TJP1: variants seen among roughly 807,000 people sequenced by gnomAD.
The protein encoded by TJP1 is tight junction protein ZO-1.
In TJP1, 43 loss-of-function variants were observed where a neutral mutation model predicts 194.2. That is an observed-to-expected ratio of 0.22 (90% confidence interval 0.17 to 0.29). The LOEUF is 0.29. Among genes scored for constraint, TJP1 ranks in the 10% least tolerant of loss-of-function variants. The pLI, the probability that TJP1 is intolerant of heterozygous loss-of-function variation, is 1.00. For synonymous variants in TJP1, 801 were observed against 779.0 expected, an observed-to-expected ratio of 1.03 and a Z score of -0.47; for missense variants, 1,971 against 2,185.7, an observed-to-expected ratio of 0.90 and a Z score of 1.96.
At chr15:29,719,529 A>G (rs2042799567) in intron 20 of TJP1, among the ~76,000 whole-genome samples, 1 of 152,200 alleles carries the variant, frequency 6.6e-6, no homozygotes, top group Middle Eastern at 3.2e-3. Flanking sequence ...ATTCTGGAAG[A>G]TACTGAAAGC....
At chr15:29,738,073 A>T (rs190703184) in intron 10 of TJP1, among the ~76,000 whole-genome samples, 1 of 152,256 alleles carries the variant, frequency 6.6e-6, no homozygotes, top group Admixed American at 6.5e-5. Context: ...GGAAAAAAAA[A>T]ATAATGCATA....
At chr15:29,723,390 C>A (rs180767434) in intron 18 of TJP1, among the ~76,000 whole-genome samples, 1 of 152,256 alleles carries the variant, frequency 6.6e-6, no homozygotes, top group Admixed American at 6.5e-5. Flanking sequence ...TAGTACTCCC[C>A]CCTTCTCTCT....
Position 29,945,479 on chromosome 15 carries a change from T to C in TJP1, c.306+10753A>G, listed in dbSNP as rs148890027. On this transcript the variant is annotated intron_variant, in intron 2 of 28. Transcript: ENST00000356107. ...CCATTCCATTTGAGATAAGAGCTCC[T>C]CTACTCTCTCTCACTAAAACCTCAC... Among the ~76,000 whole-genome samples, 566 of 152,270 alleles carry C rather than the reference T, an allele frequency of 3.7e-3. 1 individual carries two copies. The highest frequency in any genetic ancestry group is 0.013 in the African/African-American group (534 of 41,548).
chr15:29,833,537 G>A (rs2050902114), intron 2 of TJP1, among the ~76,000 whole-genome samples: 1 of 151,554 alleles, frequency 6.6e-6, no homozygotes, highest in Non-Finnish European at 1.5e-5. Context: ...GAAATTACAG[G>A]TGCACACCAC....
In TJP1 at chr15:29,726,816, T is replaced by C. The variant is rs752667327; in HGVS notation, c.2276A>G (p.His759Arg). The C allele has an allele frequency of 1.4e-5, 22 of 1,605,064 alleles. No homozygotes were observed. Among genetic ancestry groups the C allele is most frequent in the Non-Finnish European group, 1.9e-5 (22 of 1,171,874 alleles). ...KSARKLYERSHKLRKNNHHLF... is the reference protein window; with the variant it reads ...KSARKLYERSRKLRKNNHHLF... ...ATGGTGATTATTTTTACGAAGTTTA[T>C]GAGATCGCTCGTATAACTTCCTGGC... The change falls in exon 17 of 28, where the codon CAT (histidine) becomes CGT (arginine). Residue 759 changes from histidine to arginine, a missense_variant. His to Arg is a conservative substitution (Grantham distance 29). This residue lies in a region of TJP1 where 402 missense variants were observed against 484.2 expected (regional missense o/e 0.83). Coordinates refer to ENST00000614355, the MANE Select transcript of TJP1 (RefSeq NM_001330239.4).
chr15:29,863,596 TTA>T (rs1237698834), intron 2 of TJP1, among the ~76,000 whole-genome samples: 2 of 152,046 alleles, frequency 1.3e-5, no homozygotes, highest in African/African-American at 4.8e-5. Flanking sequence ...AGGCACCCAT[TTA>T]TGTTACCAGC....
chr15:29,797,734 T>C (rs2048509163), intron 2 of TJP1, among the ~76,000 whole-genome samples: 2 of 152,064 alleles, frequency 1.3e-5, no homozygotes, highest in South Asian at 4.1e-4. Flanking sequence ...TAAAGACTAC[T>C]GCAACTCAAC....
chr15:29,812,814 A>T (rs773260229), intron 1 of TJP1, among the ~76,000 whole-genome samples: 2 of 152,224 alleles, frequency 1.3e-5, no homozygotes, highest in Non-Finnish European at 2.9e-5. Flanking sequence ...TCTGTCACAG[A>T]GTCAGCATGC....
At chr15:29,822,914 C>T (rs2050517849), upstream of TJP1, 1 of 152,256 alleles carries the variant, frequency 6.6e-6, no homozygotes, top group Admixed American at 6.5e-5. Flanking sequence ...GCGTTGTTCC[C>T]ACGGAAGGCG....
intron 2 of TJP1, among the ~76,000 whole-genome samples, chr15:29,845,775 G>T (rs1159207534): frequency 6.6e-6 from 1 of 152,194 alleles, no homozygotes; most frequent in African/African-American, 2.4e-5. Flanking sequence ...CTGCACTCCA[G>T]CCTGGTGACA....
chr15:29,722,603 G>A (rs1595628966), intron 18 of TJP1, among the ~76,000 whole-genome samples: 2 of 152,348 alleles, frequency 1.3e-5, no homozygotes, highest in Admixed American at 1.3e-4. Flanking sequence ...GAGGGGAAAT[G>A]TGGGGTTGGA....
At chr15:29,790,799 G>A (rs937034422) in intron 2 of TJP1, among the ~76,000 whole-genome samples, 2 of 140,296 alleles carry the variant, frequency 1.4e-5, no homozygotes, top group South Asian at 2.3e-4. Context: ...TGTGGTATTC[G>A]TCTTTCTGTG....
intron 2 of TJP1, among the ~76,000 whole-genome samples, chr15:29,874,734 G>A (rs1299268584): frequency 6.6e-6 from 1 of 151,866 alleles, no homozygotes; most frequent in Non-Finnish European, 1.5e-5. Flanking sequence ...TGAGCTTTTG[G>A]AACAAAAAAG....
At chr15:29,935,101 T>G (rs543120140) in intron 2 of TJP1, among the ~76,000 whole-genome samples, 1 of 152,336 alleles carries the variant, frequency 6.6e-6, no homozygotes, top group African/African-American at 2.4e-5. Context: ...AGATGTTTCT[T>G]CTATTGCTCA....
At chr15:29,869,795 C>CTTTTTTTTTTTTTT (rs11318770) in intron 2 of TJP1, among the ~76,000 whole-genome samples, 6 of 56,008 alleles carry the variant, frequency 1.1e-4, no homozygotes, top group East Asian at 7.1e-4. Context: ...TTCTTTCTTT[C>CTTTTTTTTTTTTTT]TTTTTTTTTT....
intron 10 of TJP1, among the ~76,000 whole-genome samples, chr15:29,739,400 T>G (rs974212857): frequency 2.0e-5 from 3 of 152,206 alleles, no homozygotes; most frequent in African/African-American, 7.2e-5. Context: ...CGTCCTCAAA[T>G]CTTCCTTGGT....
At chr15:29,800,550 C>T (rs897026095) in intron 2 of TJP1, 96 bp downstream of exon 2, 2 of 1,201,306 alleles carry the variant, frequency 1.7e-6, no homozygotes, top group East Asian at 2.4e-5. Flanking sequence ...GTTTCCTCCT[C>T]CCTCTGGCTT....
At chr15:29,890,643 G>A (rs962200911) in intron 2 of TJP1, among the ~76,000 whole-genome samples, 2 of 152,062 alleles carry the variant, frequency 1.3e-5, no homozygotes, top group Non-Finnish European at 2.9e-5. Context: ...ATGAATGTTC[G>A]GTTGTGAAAG....
chr15:29,897,573 C>T (rs562784645), intron 2 of TJP1, among the ~76,000 whole-genome samples: 1 of 152,204 alleles, frequency 6.6e-6, no homozygotes, highest in East Asian at 1.9e-4. Flanking sequence ...GTAGATCCAC[C>T]AACAGCGTGC....
Sources: allele counts gnomAD v4.1 joint callset (sites outside exome capture counted in the v4.1 genomes callset), GRCh38; gene constraint gnomAD v4.1.1; regional missense constraint gnomAD v4.1.1; transcripts MANE v1.5; gene names NCBI Gene and HGNC (gene_info 2026-07-23, HGNC 2026-07-21).